POLA1: variants seen among roughly 807,000 people sequenced by gnomAD.
POLA1 encodes DNA polymerase alpha 1, catalytic subunit, also known as DNA polymerase alpha catalytic subunit.
A neutral mutation model predicts 124.0 loss-of-function variants in POLA1; 15 were observed. The observed-to-expected ratio is 0.12, with a 90% CI of 0.08 to 0.19. The LOEUF is 0.19. Among genes scored for constraint, POLA1 ranks in the 10% least tolerant of loss-of-function variants. The probability of loss-of-function intolerance (pLI) is 1.00; values close to 1 mark genes in which losing one functional copy is unlikely to be tolerated. For synonymous variants in POLA1, 408 were observed against 389.4 expected (o/e 1.05, Z -0.56); for missense variants, 886 against 1,103.4 (o/e 0.80, Z 2.79).
At chrX:24,900,250 C>A (rs2047259995) in intron 35 of POLA1, among the ~76,000 whole-genome samples, 1 of 111,627 alleles carries the variant, frequency 9.0e-6, no homozygotes, top group African/African-American at 3.3e-5. Context: ...TCTGAAATAC[C>A]ATGGGGATTA....
At chrX:24,843,239 G>C (rs1273564765) in intron 33 of POLA1, among the ~76,000 whole-genome samples, 1 of 111,870 alleles carries the variant, frequency 8.9e-6, no homozygotes. Flanking sequence ...CCAGTAACAT[G>C]ACTTCACTGG....
chrX:24,850,939 G>A lies in POLA1; in HGVS notation c.4047+7262G>A, dbSNP rs960680664. Among the ~76,000 whole-genome samples the A allele has an allele frequency of 3.1e-4, 35 of 111,914 alleles. 1 individual carries two copies. The highest frequency in any genetic ancestry group is 1.1e-3 in the African/African-American group (33 of 30,765). On this transcript the variant is annotated intron_variant, in intron 34 of 36. Coordinates refer to ENST00000379068, the MANE Select transcript of POLA1 (RefSeq NM_001330360.2). Reference sequence around the variant, plus strand: ...AGAGATTCAGACCTGGGCCAGGGCCGTGATGCCCAGGTCTTTTCAAGGTAT... The same window carrying A: ...AGAGATTCAGACCTGGGCCAGGGCCATGATGCCCAGGTCTTTTCAAGGTAT...
At chrX:24,800,013 G>T (rs994238335) in intron 26 of POLA1, among the ~76,000 whole-genome samples, 1 of 111,532 alleles carries the variant, frequency 9.0e-6, no homozygotes, top group Non-Finnish European at 1.9e-5. Context: ...TAGTTTGGCC[G>T]TGTCTTAATT....
At chrX:24,975,870 G>T (rs983572869) in intron 36 of POLA1, among the ~76,000 whole-genome samples, 1 of 112,510 alleles carries the variant, frequency 8.9e-6, no homozygotes, top group African/African-American at 3.2e-5. Flanking sequence ...AGTGGTATTA[G>T]CAGTATCTGA....
chrX:24,967,468 G>A (rs1002019698), intron 36 of POLA1, among the ~76,000 whole-genome samples: 8 of 109,827 alleles, frequency 7.3e-5, no homozygotes, highest in Middle Eastern at 4.6e-3. Context: ...TCAGGAGTTC[G>A]AGACCAGCCT....
intron 34 of POLA1, among the ~76,000 whole-genome samples, chrX:24,858,676 C>A (rs1439296538): frequency 8.9e-6 from 1 of 112,191 alleles, no homozygotes; most frequent in Non-Finnish European, 1.9e-5. Flanking sequence ...GACTGCCCAT[C>A]TTTTGAAATG....
At chrX:24,698,998 C>T (rs1928222489) in intron 1 of POLA1, among the ~76,000 whole-genome samples, 1 of 111,941 alleles carries the variant, frequency 8.9e-6, no homozygotes, top group African/African-American at 3.2e-5. Flanking sequence ...AGAGTAGATG[C>T]TCCTTGAAGC....
At position 24,995,849 on chromosome X, in the gene POLA1, T is replaced by C. The variant is rs1417630768; in HGVS notation, c.4306T>C (p.Tyr1436His). 1 of 1,207,727 alleles carries C rather than the reference T, an allele frequency of 8.3e-7. No homozygotes were observed. Among genetic ancestry groups the C allele is most frequent in the Non-Finnish European group, 1.1e-6 (1 of 891,911 alleles). ...QFFTPKVLQD[Y>H]RKLKNTAEQF... ...TTTTACCCCCAAAGTTCTGCAGGAC[T>C]ACAGAAAACTCAAGAACACAGCAGA... Residue 1436 changes from tyrosine (Y) to histidine (H), a missense_variant, in exon 37 of 37, where the codon TAC becomes CAC. Tyr to His is a moderately conservative substitution (Grantham distance 83). Transcript: ENST00000379068.
intron 26 of POLA1, among the ~76,000 whole-genome samples, chrX:24,800,127 C>T (rs180900128): frequency 2.4e-3 from 272 of 111,776 alleles, no homozygotes; most frequent in Non-Finnish European, 4.1e-3. Flanking sequence ...TAGGTAGGGG[C>T]TGAAAACACC....
chrX:24,903,060 C>A (rs376374776), intron 35 of POLA1, among the ~76,000 whole-genome samples: 12 of 112,246 alleles, frequency 1.1e-4, no homozygotes, highest in African/African-American at 3.9e-4. Flanking sequence ...GCACAGTGAA[C>A]TGAGGTAGCT....
chrX:24,832,038 A>G (rs1272220248), intron 32 of POLA1, among the ~76,000 whole-genome samples: 1 of 112,129 alleles, frequency 8.9e-6, no homozygotes, highest in Non-Finnish European at 1.9e-5. Context: ...GGGCAAGTCT[A>G]GTGGGCAACA....
At chrX:24,904,852 C>G (rs943880585) in intron 35 of POLA1, among the ~76,000 whole-genome samples, 2 of 110,930 alleles carry the variant, frequency 1.8e-5, no homozygotes, top group Non-Finnish European at 3.8e-5. Flanking sequence ...TGGCAAAACC[C>G]TGTCTCTACT....
intron 34 of POLA1, among the ~76,000 whole-genome samples, chrX:24,875,060 C>T (rs2046913317): frequency 9.0e-6 from 1 of 110,664 alleles, no homozygotes; most frequent in African/African-American, 3.3e-5. Context: ...TGCAATCACT[C>T]GTAGATGAGC....
chrX:24,947,372 A>T (rs747933608), intron 36 of POLA1, among the ~76,000 whole-genome samples: 1 of 95,644 alleles, frequency 1.0e-5, no homozygotes, highest in African/African-American at 3.9e-5. Context: ...GGTTCAGGTG[A>T]CCCTCCCACT....
intron 35 of POLA1, among the ~76,000 whole-genome samples, chrX:24,914,108 G>C (rs1167266868): frequency 9.1e-6 from 1 of 110,157 alleles, no homozygotes; most frequent in Non-Finnish European, 1.9e-5. Context: ...TTTAATCTCA[G>C]CTCCTCGTGA....
At chrX:24,805,217 T>C (rs979853350) in intron 26 of POLA1, among the ~76,000 whole-genome samples, 1 of 111,068 alleles carries the variant, frequency 9.0e-6, no homozygotes, top group African/African-American at 3.3e-5. Flanking sequence ...GGCAGTGCTG[T>C]CATTCTTTTT....
At chrX:24,804,341 G>A (rs2148487304) in intron 26 of POLA1, among the ~76,000 whole-genome samples, 1 of 111,351 alleles carries the variant, frequency 9.0e-6, no homozygotes. Flanking sequence ...GAATGCTTAG[G>A]TAATGGTTGG....
intron 36 of POLA1, among the ~76,000 whole-genome samples, chrX:24,944,612 A>T (rs1276244647): frequency 8.9e-6 from 1 of 112,056 alleles, no homozygotes; most frequent in African/African-American, 3.2e-5. Flanking sequence ...TCACTGTAAC[A>T]TGCTACAGGC....
intron 12 of POLA1, among the ~76,000 whole-genome samples, chrX:24,725,001 G>A (rs1308537544): frequency 9.0e-6 from 1 of 110,922 alleles, no homozygotes; most frequent in Non-Finnish European, 1.9e-5. Context: ...GGATTGAGTT[G>A]CTGAAGATAA....
Sources: allele counts gnomAD v4.1 joint callset (sites outside exome capture counted in the v4.1 genomes callset), GRCh38; gene constraint gnomAD v4.1.1; transcripts MANE v1.5; gene names NCBI Gene and HGNC (gene_info 2026-07-23, HGNC 2026-07-21).